Variants in PTPRG observed in about 807,000 individuals in gnomAD.
PTPRG encodes receptor-type tyrosine-protein phosphatase gamma.
A neutral mutation model predicts 165.3 loss-of-function variants in PTPRG; 102 were observed. That is an observed-to-expected ratio of 0.62 (90% CI 0.53 to 0.73). PTPRG has a LOEUF of 0.73. Ranked by LOEUF, PTPRG falls within the 30% of genes least tolerant of loss-of-function variation. The pLI is 0.00. For missense variants in PTPRG, 1,866 were observed against 1,861.4 expected, an observed-to-expected ratio of 1.00 and a Z score of -0.05; for synonymous variants, 675 against 669.5, an observed-to-expected ratio of 1.01 and a Z score of -0.13.
At chr3:61,671,924 G>A (rs1379554273) in intron 1 of PTPRG, among the ~76,000 whole-genome samples, 1 of 143,700 alleles carries the variant, frequency 7.0e-6, no homozygotes, top group East Asian at 2.1e-4. Flanking sequence ...CCTCCCGGAC[G>A]AGGTGGCTGC....
chr3:62,086,119 CTTCTG>C (rs986960441), intron 5 of PTPRG, among the ~76,000 whole-genome samples: 27 of 152,200 alleles, frequency 1.8e-4, no homozygotes, highest in Admixed American at 1.1e-3. Context: ...CTCCATTTTT[CTTCTG>C]TTCTGGTATA....
intron 2 of PTPRG, among the ~76,000 whole-genome samples, chr3:61,765,091 T>G (rs1272987773): frequency 1.3e-5 from 2 of 152,246 alleles, no homozygotes; most frequent in African/African-American, 4.8e-5. Context: ...AGGTTCTACC[T>G]TTCTAGCCAG....
intron 8 of PTPRG, among the ~76,000 whole-genome samples, chr3:62,172,920 C>T (rs150002006): frequency 2.8e-4 from 43 of 152,272 alleles, no homozygotes; most frequent in African/African-American, 1.0e-3. Context: ...AAATTAATTA[C>T]ATAAGGCAGG....
chr3:61,782,653 G>A (rs2034578727), intron 2 of PTPRG, among the ~76,000 whole-genome samples: 1 of 152,198 alleles, frequency 6.6e-6, no homozygotes, highest in Non-Finnish European at 1.5e-5. Flanking sequence ...ATGAAACAAG[G>A]GCTGAAAGAG....
chr3:61,846,933 G>A (rs955321608), intron 2 of PTPRG, among the ~76,000 whole-genome samples: 1 of 151,400 alleles, frequency 6.6e-6, no homozygotes. Context: ...GAGAGAGAGG[G>A]ACAATATTTT....
Position 62,275,904 on chromosome 3 carries a change from A to G in PTPRG, c.3497A>G (p.Glu1166Gly), listed in dbSNP as rs1702216129. Reference sequence around the variant, plus strand: ...ACACAGTGTAATGCAAAATATGTGGAATGTTTCAGTGCTCAGAAAGAGTGT... The same window carrying G: ...ACACAGTGTAATGCAAAATATGTGGGATGTTTCAGTGCTCAGAAAGAGTGT... Reference protein sequence around the residue: ...LVTQCNAKYVECFSAQKECNK... With the variant: ...LVTQCNAKYVGCFSAQKECNK... Residue 1166 changes from glutamate to glycine, a missense_variant, in exon 24 of 30, where the codon GAA becomes GGA. By Grantham distance (98) the Glu-to-Gly change is moderately conservative. Coordinates refer to ENST00000474889, the MANE Select transcript of PTPRG (RefSeq NM_002841.4). 1.2e-6 allele frequency: 2 copies of G among 1,611,724 alleles called. No homozygotes were observed. Among genetic ancestry groups the G allele is most frequent in the East Asian group, 4.5e-5 (2 of 44,832 alleles).
At chr3:61,830,560 GTTTTTGTTTTT>G (rs2107290530) in intron 2 of PTPRG, among the ~76,000 whole-genome samples, 1 of 90,106 alleles carries the variant, frequency 1.1e-5, no homozygotes, top group Non-Finnish European at 2.3e-5. Context: ...GGTTCTTTTT[GTTTTTGTTTTT>G]TTTTTTTTTT....
intron 2 of PTPRG, among the ~76,000 whole-genome samples, chr3:61,826,330 G>T (rs1390265747): frequency 6.6e-6 from 1 of 152,046 alleles, no homozygotes; most frequent in Non-Finnish European, 1.5e-5. Context: ...AGGCATCAGG[G>T]GACCAACCTG....
chr3:61,803,445 T>C (rs886244702), intron 2 of PTPRG, among the ~76,000 whole-genome samples: 3 of 139,480 alleles, frequency 2.2e-5, no homozygotes, highest in African/African-American at 9.2e-5. Flanking sequence ...ATTGGCCATA[T>C]GTGCCTGGTA....
At chr3:61,570,970 A>G (rs989219690) in intron 1 of PTPRG, among the ~76,000 whole-genome samples, 1 of 152,144 alleles carries the variant, frequency 6.6e-6, no homozygotes, top group African/African-American at 2.4e-5. Context: ...TCAGATATAC[A>G]TATCTCTTAT....
chr3:61,699,051 A>G (rs190020413), intron 1 of PTPRG, among the ~76,000 whole-genome samples: 3 of 152,272 alleles, frequency 2.0e-5, no homozygotes, highest in African/African-American at 4.8e-5. Flanking sequence ...GGATAGCATT[A>G]GGAGATACAC....
chr3:61,699,147 G>C (rs1030210566), intron 1 of PTPRG, among the ~76,000 whole-genome samples: 37 of 151,912 alleles, frequency 2.4e-4, no homozygotes, highest in Admixed American at 2.2e-3. Context: ...TTGTGCACAT[G>C]TACCCTAAAA....
At chr3:62,028,648 C>T (rs1302235338) in intron 4 of PTPRG, among the ~76,000 whole-genome samples, 1 of 152,178 alleles carries the variant, frequency 6.6e-6, no homozygotes, top group African/African-American at 2.4e-5. Context: ...TGTTAGCATT[C>T]CTGGGTTGCA....
At chr3:61,725,367 C>G (rs183067973) in intron 1 of PTPRG, among the ~76,000 whole-genome samples, 2 of 152,216 alleles carry the variant, frequency 1.3e-5, no homozygotes, top group Non-Finnish European at 2.9e-5. Context: ...ATCTACCTAC[C>G]TCAGCCTCCC....
At chr3:62,285,064 G>A (rs1400692203) in intron 28 of PTPRG, among the ~76,000 whole-genome samples, 1 of 151,914 alleles carries the variant, frequency 6.6e-6, no homozygotes, top group African/African-American at 2.4e-5. Flanking sequence ...TGTCATTCCT[G>A]CTTATCATGT....
chr3:62,203,458 A>T lies in PTPRG; in HGVS notation c.1663A>T (p.Thr555Ser). Residue 555 changes from threonine to serine, a missense_variant, in exon 12 of 30, where the codon ACC becomes TCC. Transcript: ENST00000474889. The surrounding 1 kb of genome is among the most constrained non-coding windows in gnomAD (Gnocchi z 6.4). The stretch of plus-strand genomic sequence containing the variant: ...GCAGGCGGCTAGGCCAGTCCTAGCC[A>T]CCACAGAGGCCTTGGCTTCTCCAGG... The part of the protein sequence containing the change: ...SKQAARPVLA[T>S]TEALASPGPD... 3.1e-6 allele frequency: 5 copies of T among 1,587,572 alleles called. No homozygotes were observed. Among genetic ancestry groups the T allele is most frequent in the Non-Finnish European group, 4.3e-6 (5 of 1,166,320 alleles).
intron 4 of PTPRG, among the ~76,000 whole-genome samples, chr3:62,011,300 C>T (rs1320249938): frequency 2.0e-5 from 3 of 152,188 alleles, no homozygotes; most frequent in African/African-American, 4.8e-5. Context: ...ACACATGGGG[C>T]GGGTCGGAGG....
intron 1 of PTPRG, 60 bp from the exon 2 acceptor site, chr3:61,748,818 C>A: frequency 7.2e-7 from 1 of 1,394,552 alleles, no homozygotes; most frequent in Non-Finnish European, 1.0e-6. Flanking sequence ...TCATTTGACA[C>A]CCTTCCTGTA....
chr3:62,013,394 G>C (rs2041470344), intron 4 of PTPRG, among the ~76,000 whole-genome samples: 1 of 152,064 alleles, frequency 6.6e-6, no homozygotes, highest in African/African-American at 2.4e-5. Context: ...TTGAATTTTT[G>C]GTAATTTTGA....
Sources: allele counts gnomAD v4.1 joint callset (sites outside exome capture counted in the v4.1 genomes callset), GRCh38; gene constraint gnomAD v4.1.1; non-coding constraint Gnocchi (gnomAD v3.1); transcripts MANE v1.5; gene names NCBI Gene and HGNC (gene_info 2026-07-23, HGNC 2026-07-21).